The following SLC26A7 variants were observed in gnomAD, a reference collection of about 807,000 sequenced individuals.
The protein encoded by SLC26A7 is solute carrier family 26 member 7, also known as anion exchange transporter.
A neutral mutation model predicts 82.5 loss-of-function variants in SLC26A7; 59 were observed. That is an observed-to-expected ratio of 0.72 (90% confidence interval 0.58 to 0.89). SLC26A7 has a LOEUF of 0.89. Ranked by LOEUF, SLC26A7 falls within the 40% of genes least tolerant of loss-of-function variation. The probability of loss-of-function intolerance (pLI) is 0.00; values close to 1 mark genes in which losing one functional copy is unlikely to be tolerated. For synonymous variants in SLC26A7, 271 were observed against 274.3 expected (o/e 0.99, Z 0.12); for missense variants, 820 against 793.0 (o/e 1.03, Z -0.41).
At chr8:91,245,507 C>T (rs946713216), upstream of SLC26A7, among the ~76,000 whole-genome samples, 3 of 152,152 alleles carry the variant, frequency 2.0e-5, no homozygotes, top group African/African-American at 7.2e-5. Context: ...TATCAGCCTT[C>T]GTTTTCCCTC....
chr8:91,263,966 ATT>A (rs150971835), intron 2 of SLC26A7, among the ~76,000 whole-genome samples: 1 of 151,058 alleles, frequency 6.6e-6, no homozygotes, highest in African/African-American at 2.4e-5. Flanking sequence ...TTATCATTCC[ATT>A]TTTTTTTAAC....
chr8:91,286,217 A>AT (rs1811706214), intron 2 of SLC26A7, among the ~76,000 whole-genome samples: 1 of 152,172 alleles, frequency 6.6e-6, no homozygotes, highest in Non-Finnish European at 1.5e-5. Context: ...GGGACAAGGC[A>AT]TACTGGTGGC....
intron 2 of SLC26A7, among the ~76,000 whole-genome samples, chr8:91,222,227 C>A (rs1473119605): frequency 6.6e-6 from 1 of 152,090 alleles, no homozygotes; most frequent in African/African-American, 2.4e-5. Flanking sequence ...GATTTTGTAT[C>A]CTGAGACTGC....
At position 91,318,266 on chromosome 8, in the gene SLC26A7, G is replaced by A; in HGVS notation, c.528G>A (p.Glu176=). Residue 176 remains glutamate, a synonymous_variant, in exon 5 of 19, where the codon GAG becomes GAA. Transcript: ENST00000276609. Reference sequence around the variant, plus strand: ...GCAGTGCCACATTTGTGGTCACAGAGCCTGTGATCAGCGCAATGACAACTG... The same window carrying A: ...GCAGTGCCACATTTGTGGTCACAGAACCTGTGATCAGCGCAATGACAACTG... ...QLGSATFVVT[E]PVISAMTTGA... 1 of 1,610,046 alleles carries A rather than the reference G, an allele frequency of 6.2e-7. No homozygotes were observed. The highest frequency in any genetic ancestry group is 1.1e-5 in the South Asian group (1 of 90,520).
intron 3 of SLC26A7, among the ~76,000 whole-genome samples, chr8:91,293,884 T>C (rs1352477970): frequency 6.6e-6 from 1 of 152,198 alleles, no homozygotes; most frequent in African/African-American, 2.4e-5. Flanking sequence ...TAATATAACC[T>C]CGGAAATATG....
At chr8:91,333,634 T>C (rs777782894) in intron 5 of SLC26A7, among the ~76,000 whole-genome samples, 6 of 152,108 alleles carry the variant, frequency 3.9e-5, no homozygotes, top group Non-Finnish European at 7.4e-5. Context: ...CCTTTCCATG[T>C]CCATAGCACT....
At chr8:91,232,682 C>T (rs938304979) in intron 2 of SLC26A7, among the ~76,000 whole-genome samples, 1 of 152,160 alleles carries the variant, frequency 6.6e-6, no homozygotes, top group Admixed American at 6.5e-5. Flanking sequence ...TTTCAGACAT[C>T]ATAAATTGGC....
intron 14 of SLC26A7, among the ~76,000 whole-genome samples, chr8:91,368,413 GT>G (rs565439844): frequency 9.0e-5 from 13 of 145,014 alleles, no homozygotes; most frequent in Middle Eastern, 7.3e-3. Context: ...TTCAGATGAG[GT>G]TTTTTTTTTT....
intron 2 of SLC26A7, among the ~76,000 whole-genome samples, chr8:91,279,653 G>A (rs1811513052): frequency 1.4e-5 from 2 of 141,350 alleles, no homozygotes; most frequent in Middle Eastern, 4.2e-3. Context: ...TCCGCCTCCC[G>A]GGTTCACGCC....
In SLC26A7 at chr8:91,249,620, G is replaced by C. The variant is rs1469801597; in HGVS notation, c.-32G>C. Reference sequence around the variant, plus strand: ...GCAATGATTTTTTTTCTTGTTTAGAGAAGTTTACTTCTACAAGAAGAAATC... The same window carrying C: ...GCAATGATTTTTTTTCTTGTTTAGACAAGTTTACTTCTACAAGAAGAAATC... On this transcript the variant is annotated 5_prime_UTR_variant, in exon 2 of 19. Transcript: ENST00000276609. The C allele has an allele frequency of 6.8e-7, 1 of 1,469,944 alleles. No individual in the cohort carries two copies. The highest frequency in any genetic ancestry group is 2.5e-5 in the East Asian group (1 of 39,994). The allele number at this position is 1,469,944 out of a possible 1,614,324, so 91.1% of individuals were successfully genotyped here.
intron 2 of SLC26A7, among the ~76,000 whole-genome samples, chr8:91,220,073 T>G (rs2130661877): frequency 6.6e-6 from 1 of 152,254 alleles, no homozygotes; most frequent in Middle Eastern, 3.4e-3. Context: ...CAGAGTTGCC[T>G]CTGGCATAAC....
At chr8:91,302,232 T>G (rs1244181471) in intron 4 of SLC26A7, among the ~76,000 whole-genome samples, 1 of 152,104 alleles carries the variant, frequency 6.6e-6, no homozygotes, top group Non-Finnish European at 1.5e-5. Context: ...TTGTTGATTA[T>G]GATTATTCAC....
chr8:91,340,427 C>T lies in SLC26A7; in HGVS notation c.902C>T (p.Pro301Leu), dbSNP rs753604205. The change falls in exon 8 of 19, where the codon CCG becomes CTG. Residue 301 changes from proline (P) to leucine (L), a missense_variant. Pro to Leu is a moderately conservative substitution (Grantham distance 98). Transcript: ENST00000276609. ...PQGIPSPRAP[P>L]MNILSAVITE... ...AGAATTCCCTCACCTAGAGCTCCCC[C>T]GATGAACATCCTCTCTGCGGTGATC... 48 of 1,613,752 alleles carry T rather than the reference C, an allele frequency of 3.0e-5. No individual in the cohort carries two copies. The highest frequency in any genetic ancestry group is 1.6e-4 in the Middle Eastern group (1 of 6,078).
intron 4 of SLC26A7, among the ~76,000 whole-genome samples, chr8:91,314,503 C>T (rs193057107): frequency 2.4e-4 from 37 of 152,228 alleles, no homozygotes; most frequent in Admixed American, 1.2e-3. Flanking sequence ...TCCTCCCCAT[C>T]CTCCACTAGT....
At chr8:91,388,898 T>C (rs1453804243) in intron 15 of SLC26A7, among the ~76,000 whole-genome samples, 1 of 152,066 alleles carries the variant, frequency 6.6e-6, no homozygotes, top group East Asian at 1.9e-4. Context: ...TTGTATACGC[T>C]TCAGGCACCA....
chr8:91,344,312 C>A (rs1424486156), intron 9 of SLC26A7: 2 of 547,312 alleles, frequency 3.7e-6, no homozygotes, highest in Non-Finnish European at 4.7e-6. Context: ...GGGATTGGAA[C>A]CCAGATAGAT....
intron 11 of SLC26A7, among the ~76,000 whole-genome samples, chr8:91,358,832 C>CA (rs71140429): frequency 6.6e-6 from 1 of 151,900 alleles, no homozygotes; most frequent in African/African-American, 2.4e-5. Flanking sequence ...ATCACAAGGA[C>CA]AAAAAACCAA....
chr8:91,274,876 A>T (rs1421519369), intron 2 of SLC26A7, among the ~76,000 whole-genome samples: 1 of 152,242 alleles, frequency 6.6e-6, no homozygotes, highest in East Asian at 1.9e-4. Flanking sequence ...AATCTTTCAA[A>T]AACAATTCGG....
rs147449052 is a variant in SLC26A7, at chr8:91,333,743, G to A, written c.643-552G>A. Among the ~76,000 whole-genome samples, 43 of 152,220 alleles carry A rather than the reference G, an allele frequency of 2.8e-4. 2 individuals are homozygous for A. In the East Asian group the frequency reaches 6.6e-3, roughly 23 times the overall value. On this transcript the variant is annotated intron_variant, in intron 5 of 18. Transcript: ENST00000276609. ...CTCAATTTTTTACTATGTAGACCTC[G>A]CAATGGGCATGGTGCTTGGTATAAA...
Sources: allele counts gnomAD v4.1 joint callset (sites outside exome capture counted in the v4.1 genomes callset), GRCh38; gene constraint gnomAD v4.1.1; transcripts MANE v1.5; gene names NCBI Gene and HGNC (gene_info 2026-07-23, HGNC 2026-07-21).